CCDC15: variants seen among roughly 807,000 people sequenced by gnomAD.
CCDC15 encodes coiled-coil domain containing 15.
CCDC15 carries 105 observed loss-of-function variants against 114.5 expected under a neutral mutation model. The observed-to-expected ratio is 0.92, with a 90% CI of 0.78 to 1.08. CCDC15 has a LOEUF of 1.08. CCDC15 is among the 50% of genes least tolerant of loss of function. The probability of loss-of-function intolerance (pLI) is 0.00; values close to 1 mark genes in which losing one functional copy is unlikely to be tolerated. For synonymous variants in CCDC15, 334 were observed against 377.8 expected, an observed-to-expected ratio of 0.88 and a Z score of 1.34; for missense variants, 1,105 against 1,093.6, an observed-to-expected ratio of 1.01 and a Z score of -0.15.
Position 125,031,626 on chromosome 11 carries a change from A to C in CCDC15, c.2412-6805A>C, listed in dbSNP as rs532796062. 5.9e-5 allele frequency among the ~76,000 whole-genome samples: 9 copies of C among 152,344 alleles called. No individual in the cohort carries two copies. The South Asian group carries it at 1.9e-3, about 32-fold the overall frequency. ...CAAAAGGAGAGTAGTTATCTGCAGA[A>C]GATGGCAGGGCCTTGCTCCAAAATC... On this transcript the variant is annotated intron_variant, in intron 13 of 15. Coordinates refer to ENST00000344762, the MANE Select transcript of CCDC15 (RefSeq NM_025004.3).
intron 13 of CCDC15, among the ~76,000 whole-genome samples, chr11:125,035,460 A>G (rs1206578429): frequency 6.6e-6 from 1 of 151,304 alleles, no homozygotes; most frequent in Non-Finnish European, 1.5e-5. Context: ...TTCAGCCTAT[A>G]TGTGTCTTTG....
chr11:124,998,400 T>C (rs1475806910), intron 11 of CCDC15, among the ~76,000 whole-genome samples: 2 of 152,212 alleles, frequency 1.3e-5, no homozygotes, highest in Non-Finnish European at 2.9e-5. Context: ...CGTTCTATTA[T>C]TGCATTGTGG....
intron 6 of CCDC15, among the ~76,000 whole-genome samples, chr11:124,979,029 T>C (rs1948023099): frequency 1.3e-5 from 2 of 152,176 alleles, no homozygotes. Flanking sequence ...TAGCCAAATA[T>C]ATCCCAGTAC....
intron 6 of CCDC15, among the ~76,000 whole-genome samples, chr11:124,984,548 C>A (rs892996823): frequency 1.3e-5 from 2 of 152,146 alleles, no homozygotes; most frequent in African/African-American, 4.8e-5. Flanking sequence ...CCTGACCATG[C>A]CCCACTACAG....
intron 4 of CCDC15, 127 bp downstream of exon 4, chr11:124,960,130 T>A: frequency 2.0e-6 from 1 of 505,594 alleles, no homozygotes. Context: ...TTGATAATCA[T>A]CCCCCTTTTT....
At chr11:124,969,448 C>T (rs1947842505) in intron 4 of CCDC15, among the ~76,000 whole-genome samples, 1 of 152,148 alleles carries the variant, frequency 6.6e-6, no homozygotes, top group African/African-American at 2.4e-5. Flanking sequence ...AACAACTGAT[C>T]ATTGTTTTAG....
intron 11 of CCDC15, among the ~76,000 whole-genome samples, chr11:124,993,603 G>A (rs1948308672): frequency 1.3e-5 from 2 of 151,638 alleles, no homozygotes; most frequent in Admixed American, 1.3e-4. Flanking sequence ...ATGAGAGATG[G>A]AGGAAGGAGT....
At chr11:125,005,234 G>T (rs1469610733) in intron 13 of CCDC15, 22 bp downstream of exon 13, 1 of 1,094,272 alleles carries the variant, frequency 9.1e-7, no homozygotes, top group South Asian at 1.5e-5. Context: ...GATCTGCTCT[G>T]TGAGCCTTAA....
chr11:124,954,776 G>T lies in CCDC15; in HGVS notation c.44G>T (p.Arg15Met), dbSNP rs764933121. 2 of 1,613,852 alleles carry T rather than the reference G, an allele frequency of 1.2e-6. No individual in the cohort carries two copies. Among genetic ancestry groups the T allele is most frequent in the African/African-American group, 2.7e-5 (2 of 74,914 alleles). The part of the protein sequence containing the change: ...MARKKPRNTS[R>M]LPLALNPLKS... ...CGAAAGAAACCTCGAAATACCTCAA[G>T]GTTGCCCCTGGCTTTAAACCCCCTG... is the stretch of plus-strand genomic sequence containing the variant. The change falls in exon 2 of 16, where the codon AGG becomes ATG. Residue 15 changes from arginine (R) to methionine (M), a missense_variant. Coordinates refer to ENST00000344762, the MANE Select transcript of CCDC15 (RefSeq NM_025004.3).
At chr11:125,028,500 AGGTTGGTGGT>A (rs1253623663) in intron 13 of CCDC15, among the ~76,000 whole-genome samples, 7 of 151,888 alleles carry the variant, frequency 4.6e-5, no homozygotes, top group African/African-American at 1.7e-4. Context: ...TATATTCCTA[AGGTTGGTGGT>A]GGTGGTTTTG....
chr11:125,040,448 A>G, intron 15 of CCDC15, 142 bp from the exon 16 acceptor site: 1 of 689,520 alleles, frequency 1.5e-6, no homozygotes, highest in South Asian at 2.7e-5. Context: ...TGCTTGTCAT[A>G]TAGTAAGTAC....
At chr11:125,022,972 A>G (rs1948671721) in intron 13 of CCDC15, among the ~76,000 whole-genome samples, 1 of 151,906 alleles carries the variant, frequency 6.6e-6, no homozygotes, top group Non-Finnish European at 1.5e-5. Flanking sequence ...AAATAGGTAT[A>G]CTTGATATAC....
chr11:124,977,450 T>A, intron 5 of CCDC15, 28 bp from the exon 6 acceptor site: 1 of 1,553,194 alleles, frequency 6.4e-7, no homozygotes, highest in East Asian at 2.3e-5. Context: ...TCTAGACCTA[T>A]TTATATTTGT....
At position 124,954,806 on chromosome 11, in the gene CCDC15, G is replaced by A. The variant is rs777883148; in HGVS notation, c.74G>A (p.Ser25Asn). Residue 25 changes from serine (S) to asparagine (N), a missense_variant, in exon 2 of 16, where the codon AGC becomes AAC. Ser to Asn is a conservative substitution (Grantham distance 46). Coordinates refer to ENST00000344762, the MANE Select transcript of CCDC15 (RefSeq NM_025004.3). ...CCCCTGGCTTTAAACCCCCTGAAGA[G>A]CAAGGACGTGTTGGCAGTGCTGGCT... ...RLPLALNPLK[S>N]KDVLAVLAER... 1.2e-6 allele frequency: 2 copies of A among 1,614,036 alleles called. No individual in the cohort carries two copies. Among genetic ancestry groups the A allele is most frequent in the East Asian group, 2.2e-5 (1 of 44,888 alleles).
chr11:124,973,365 T>A (rs1947917473), intron 4 of CCDC15, among the ~76,000 whole-genome samples: 1 of 152,112 alleles, frequency 6.6e-6, no homozygotes, highest in Non-Finnish European at 1.5e-5. Context: ...TTTTTTTTTT[T>A]TATAATTTCA....
At position 125,040,656 on chromosome 11, in the gene CCDC15, G is replaced by C; in HGVS notation, c.2801G>C (p.Arg934Pro). ...CDVPGGNSTLRVAIHNFASAH... is the reference protein window; with the variant it reads ...CDVPGGNSTLPVAIHNFASAH... Reference sequence around the variant, plus strand: ...GTCCCTGGGGGTAATTCAACTCTTCGAGTCGCAATTCATAATTTTGCTTCT... The same window carrying C: ...GTCCCTGGGGGTAATTCAACTCTTCCAGTCGCAATTCATAATTTTGCTTCT... The change falls in exon 16 of 16, where the codon CGA (arginine) becomes CCA (proline). Residue 934 changes from arginine to proline, a missense_variant. Transcript: ENST00000344762. The C allele has an allele frequency of 6.2e-7, 1 of 1,611,676 alleles. No individual in the cohort carries two copies.
At chr11:125,029,363 A>T (rs537479428) in intron 13 of CCDC15, among the ~76,000 whole-genome samples, 2 of 152,344 alleles carry the variant, frequency 1.3e-5, no homozygotes, top group East Asian at 3.9e-4. Context: ...AAATAAAGAC[A>T]TAAATAAGGT....
intron 2 of CCDC15, among the ~76,000 whole-genome samples, chr11:124,956,176 A>G (rs1308640590): frequency 6.6e-6 from 1 of 152,202 alleles, no homozygotes; most frequent in African/African-American, 2.4e-5. Context: ...GGTGAATGTC[A>G]TGATCAACCA....
chr11:125,000,400 C>T (rs1163977176), intron 11 of CCDC15, among the ~76,000 whole-genome samples: 1 of 152,076 alleles, frequency 6.6e-6, no homozygotes, highest in African/African-American at 2.4e-5. Context: ...AGATATATGC[C>T]AGTTCACACA....
Sources: allele counts gnomAD v4.1 joint callset (sites outside exome capture counted in the v4.1 genomes callset), GRCh38; gene constraint gnomAD v4.1.1; transcripts MANE v1.5; gene names NCBI Gene and HGNC (gene_info 2026-07-23, HGNC 2026-07-21).